XKR6: variants seen among roughly 807,000 people sequenced by gnomAD.
XKR6 encodes XK-related protein 6.
A neutral mutation model predicts 56.7 loss-of-function variants in XKR6; 22 were observed. That is an observed-to-expected ratio of 0.39 (90% confidence interval 0.28 to 0.55). XKR6 has a LOEUF of 0.55. Ranked by LOEUF, XKR6 falls within the 20% of genes least tolerant of loss-of-function variation. The pLI is 0.66. For missense variants in XKR6, 852 were observed against 889.0 expected, an observed-to-expected ratio of 0.96 and a Z score of 0.53; for synonymous variants, 524 against 387.8, an observed-to-expected ratio of 1.35 and a Z score of -4.13.
At chr8:11,066,368 C>T (rs993937984) in intron 1 of XKR6, among the ~76,000 whole-genome samples, 2 of 152,236 alleles carry the variant, frequency 1.3e-5, no homozygotes, top group Non-Finnish European at 2.9e-5. Context: ...CATTTCTGTC[C>T]CTGGTGAAAC....
At chr8:11,176,255 T>C (rs117589973) in intron 1 of XKR6, among the ~76,000 whole-genome samples, 1 of 152,342 alleles carries the variant, frequency 6.6e-6, no homozygotes, top group South Asian at 2.1e-4. Flanking sequence ...ATCCTTTGTT[T>C]TGATCTTTAT....
intron 1 of XKR6, among the ~76,000 whole-genome samples, chr8:11,099,115 C>A (rs1364542036): frequency 2.6e-5 from 4 of 152,180 alleles, no homozygotes; most frequent in African/African-American, 7.2e-5. Flanking sequence ...GCAGCTGCCA[C>A]CTCCCTGGGA....
intron 1 of XKR6, among the ~76,000 whole-genome samples, chr8:10,971,646 C>T (rs915704725): frequency 6.6e-6 from 1 of 152,048 alleles, no homozygotes; most frequent in African/African-American, 2.4e-5. Flanking sequence ...CCCTGCCCAG[C>T]GGTCCTAACT....
Position 10,999,305 on chromosome 8 carries a change from T to C in XKR6, c.765-74475A>G, listed in dbSNP as rs1259691938. 2.6e-5 allele frequency among the ~76,000 whole-genome samples: 4 copies of C among 152,246 alleles called. No homozygotes were observed. In the East Asian group the frequency reaches 7.7e-4, roughly 29 times the overall value. ...TTGCATGAAAATACTGCACAGGCAT[T>C]CCAATTCTATTCTGTTGGCTAAGGA... On this transcript the variant is annotated intron_variant, in intron 1 of 2. Coordinates refer to ENST00000416569, the MANE Select transcript of XKR6 (RefSeq NM_173683.4).
intron 1 of XKR6, among the ~76,000 whole-genome samples, chr8:11,028,001 A>C (rs1377777635): frequency 6.6e-6 from 1 of 152,108 alleles, no homozygotes; most frequent in East Asian, 1.9e-4. Context: ...CAGGGTTCAT[A>C]CTTGGTGTTG....
chr8:11,199,689 C>T (rs1472195431), intron 1 of XKR6, among the ~76,000 whole-genome samples: 1 of 152,112 alleles, frequency 6.6e-6, no homozygotes, highest in African/African-American at 2.4e-5. Context: ...CAGTGAAGGC[C>T]ACGGCAGAAA....
intron 1 of XKR6, among the ~76,000 whole-genome samples, chr8:10,966,811 CGCACT>C (rs1043572231): frequency 3.3e-5 from 5 of 152,188 alleles, no homozygotes; most frequent in Non-Finnish European, 7.3e-5. Flanking sequence ...GATCCTGGGG[CGCACT>C]GACGTCTGAG....
chr8:11,094,918 C>G lies in XKR6; in HGVS notation c.764+105658G>C, dbSNP rs1409993565. 3.3e-5 allele frequency among the ~76,000 whole-genome samples: 5 copies of G among 152,200 alleles called. No individual in the cohort carries two copies. In the South Asian group the frequency reaches 1.0e-3, roughly 31 times the overall value. On this transcript the variant is annotated intron_variant, in intron 1 of 2. Transcript: ENST00000416569. ...GAAGGAGGGAGAGCATCAGGAAGAG[C>G]AGCTAGTGGGTGCTGAGCTTAATAC...
chr8:11,096,885 G>A (rs1432861348), intron 1 of XKR6, among the ~76,000 whole-genome samples: 1 of 152,230 alleles, frequency 6.6e-6, no homozygotes, highest in Non-Finnish European at 1.5e-5. Flanking sequence ...AACACCAAAT[G>A]AAAATCTAGC....
At chr8:11,024,056 G>A (rs962125231) in intron 1 of XKR6, among the ~76,000 whole-genome samples, 7 of 152,242 alleles carry the variant, frequency 4.6e-5, no homozygotes, top group African/African-American at 1.2e-4. Flanking sequence ...GGCACATCCC[G>A]AAGTCTTCCT....
chr8:10,908,835 G>A (rs143723904), intron 2 of XKR6, among the ~76,000 whole-genome samples: 125 of 152,304 alleles, frequency 8.2e-4, no homozygotes, highest in Non-Finnish European at 1.7e-3. Context: ...ACACAGAAGT[G>A]GGTTGTTTAT....
chr8:11,199,804 A>C (rs73198982), intron 1 of XKR6, among the ~76,000 whole-genome samples: 8,056 of 152,262 alleles, frequency 0.053, 294 homozygotes, highest in South Asian at 0.17. Context: ...AATATAAATC[A>C]CTTACACACT....
intron 2 of XKR6, among the ~76,000 whole-genome samples, chr8:10,911,701 CAT>C: frequency 6.9e-6 from 1 of 144,704 alleles, no homozygotes; most frequent in Non-Finnish European, 1.5e-5. Flanking sequence ...TATATATACA[CAT>C]GTAGAGAGAG....
chr8:10,930,779 C>T (rs548466757), intron 1 of XKR6, among the ~76,000 whole-genome samples: 64 of 152,152 alleles, frequency 4.2e-4, no homozygotes, highest in Non-Finnish European at 7.8e-4. Flanking sequence ...ACTTCCTTAA[C>T]CTTATGTAGA....
chr8:11,039,686 T>C (rs978254329), intron 1 of XKR6, among the ~76,000 whole-genome samples: 13 of 152,138 alleles, frequency 8.5e-5, no homozygotes, highest in African/African-American at 3.1e-4. Flanking sequence ...CCACAAGGAC[T>C]CCCACCAATT....
In XKR6 at chr8:11,180,902, G is replaced by C. The variant is rs549442089; in HGVS notation, c.764+19674C>G. 8.5e-5 allele frequency among the ~76,000 whole-genome samples: 13 copies of C among 152,276 alleles called. 1 individual carries two copies. In the South Asian group the frequency reaches 2.3e-3, roughly 27 times the overall value. The stretch of plus-strand genomic sequence containing the variant: ...AGCCTGAGCAACTGAGCAAGACCTT[G>C]TCTCTAAAATATAAAAATAATAAAA... On this transcript the variant is annotated intron_variant, in intron 1 of 2. Transcript: ENST00000416569.
intron 1 of XKR6, among the ~76,000 whole-genome samples, chr8:11,103,478 G>C (rs781109142): frequency 2.4e-4 from 37 of 152,286 alleles, no homozygotes; most frequent in Non-Finnish European, 4.6e-4. Context: ...TTCTGAAAGT[G>C]GAAAAACTAC....
intron 1 of XKR6, among the ~76,000 whole-genome samples, chr8:10,954,624 A>G (rs901131123): frequency 2.2e-4 from 34 of 152,130 alleles, no homozygotes; most frequent in African/African-American, 8.0e-4. Flanking sequence ...CACTTTCCTG[A>G]TGGTGTCCTC....
At chr8:11,004,040 C>T (rs147139604) in intron 1 of XKR6, among the ~76,000 whole-genome samples, 1 of 152,156 alleles carries the variant, frequency 6.6e-6, no homozygotes, top group African/African-American at 2.4e-5. Context: ...AGTGAGTGAG[C>T]AGAGCAGCGA....
Sources: gnomAD v4.1 joint callset for allele counts (sites outside exome capture counted in the v4.1 genomes callset) on GRCh38, gnomAD v4.1.1 for gene constraint, MANE v1.5 for transcripts, NCBI Gene and HGNC (gene_info 2026-07-23, HGNC 2026-07-21) for gene names.